PDZD2: variants seen among roughly 807,000 people sequenced by gnomAD.
The protein encoded by PDZD2 is PDZ domain containing 2.
In PDZD2, 90 loss-of-function variants were observed where a neutral mutation model predicts 220.7. The observed-to-expected ratio is 0.41, with a 90% CI of 0.34 to 0.49. PDZD2 has a LOEUF of 0.49. Among genes scored for constraint, PDZD2 ranks in the 20% least tolerant of loss-of-function variants. The pLI is 0.28. For synonymous variants in PDZD2, 1,375 were observed against 1,450.5 expected, an observed-to-expected ratio of 0.95 and a Z score of 1.18; for missense variants, 3,174 against 3,608.5, an observed-to-expected ratio of 0.88 and a Z score of 3.08.
rs143396447 is a variant in PDZD2, at chr5:31,722,023, G to A, written c.-360-76866G>A. 4.1e-4 allele frequency among the ~76,000 whole-genome samples: 63 copies of A among 152,016 alleles called. No individual in the cohort carries two copies. In the East Asian group the frequency reaches 9.5e-3, roughly 23 times the overall value. On this transcript the variant is annotated intron_variant, in intron 1 of 24. Transcript: ENST00000438447. Reference sequence around the variant, plus strand: ...ATCCATCAGCAAGCCCTGTCTGCTCGAGCTCAACATCATCTTGAATGTCTT... The same window carrying A: ...ATCCATCAGCAAGCCCTGTCTGCTCAAGCTCAACATCATCTTGAATGTCTT...
chr5:31,670,172 G>A (rs1746161333), intron 1 of PDZD2, among the ~76,000 whole-genome samples: 2 of 152,140 alleles, frequency 1.3e-5, no homozygotes, highest in African/African-American at 4.8e-5. Context: ...ATTGTTTTCA[G>A]GGTGTTTGAA....
intron 19 of PDZD2, among the ~76,000 whole-genome samples, chr5:32,086,873 G>A (rs747201224): frequency 4.9e-4 from 57 of 116,780 alleles, no homozygotes; most frequent in Non-Finnish European, 8.4e-4. Flanking sequence ...TTTTTTAGTA[G>A]AGATGGGGTT....
intron 2 of PDZD2, chr5:31,843,633 A>G (rs1757440290): frequency 6.6e-6 from 1 of 152,122 alleles, no homozygotes; most frequent in African/African-American, 2.4e-5. Context: ...CCGAGTTTCC[A>G]CCAGATCTTG....
At chr5:31,849,896 A>ACG (rs1561506806) in intron 2 of PDZD2, among the ~76,000 whole-genome samples, 21 of 31,696 alleles carry the variant, frequency 6.6e-4, no homozygotes, top group African/African-American at 2.0e-3. Context: ...ATACACATAT[A>ACG]TATATATACA....
At chr5:31,643,094 G>T (rs117245835) in intron 1 of PDZD2, among the ~76,000 whole-genome samples, 2 of 152,190 alleles carry the variant, frequency 1.3e-5, no homozygotes, top group Non-Finnish European at 2.9e-5. Context: ...AGGAGGAATC[G>T]AAAGAGGTAC....
chr5:31,688,795 G>T (rs569012405), intron 1 of PDZD2, among the ~76,000 whole-genome samples: 1 of 152,300 alleles, frequency 6.6e-6, no homozygotes, highest in East Asian at 1.9e-4. Context: ...TATTTGCTCT[G>T]CTTGAGAGCA....
chr5:31,648,491 G>C (rs1408454661), intron 1 of PDZD2, among the ~76,000 whole-genome samples: 1 of 151,910 alleles, frequency 6.6e-6, no homozygotes, highest in Non-Finnish European at 1.5e-5. Context: ...AATAAGTCCT[G>C]TTGGCCCCAC....
intron 1 of PDZD2, among the ~76,000 whole-genome samples, chr5:31,754,017 G>A (rs1270879291): frequency 6.6e-6 from 1 of 152,178 alleles, no homozygotes; most frequent in Non-Finnish European, 1.5e-5. Context: ...AGCTTCATGT[G>A]GCATAAATGC....
chr5:32,102,379 CTT>C (rs1474653978), intron 24 of PDZD2, among the ~76,000 whole-genome samples: 1 of 151,752 alleles, frequency 6.6e-6, no homozygotes, highest in African/African-American at 2.4e-5. Context: ...GGGACCTGCT[CTT>C]TTGCCAGTAA....
intron 1 of PDZD2, among the ~76,000 whole-genome samples, chr5:31,653,911 A>C (rs1745446097): frequency 6.6e-6 from 1 of 152,004 alleles, no homozygotes; most frequent in Non-Finnish European, 1.5e-5. Context: ...CAGCCTCCCG[A>C]GTAGCTGGGA....
chr5:32,012,960 T>C (rs1242686275), intron 6 of PDZD2, among the ~76,000 whole-genome samples: 1 of 152,108 alleles, frequency 6.6e-6, no homozygotes. Flanking sequence ...TGTTTTACTA[T>C]GTAAATGTTT....
intron 2 of PDZD2, among the ~76,000 whole-genome samples, chr5:31,893,561 C>T (rs1455733117): frequency 6.7e-6 from 1 of 148,180 alleles, no homozygotes; most frequent in Non-Finnish European, 1.5e-5. Context: ...CAGAGCGAGA[C>T]TCTGTCTCAA....
At chr5:32,043,328 A>T (rs891585838) in intron 7 of PDZD2, among the ~76,000 whole-genome samples, 9 of 152,240 alleles carry the variant, frequency 5.9e-5, no homozygotes, top group African/African-American at 1.7e-4. Flanking sequence ...CAACAAGGAA[A>T]CGTAGCATGG....
At chr5:32,045,588 GT>G (rs34280498) in intron 7 of PDZD2, among the ~76,000 whole-genome samples, 87 of 139,984 alleles carry the variant, frequency 6.2e-4, no homozygotes, top group Non-Finnish European at 6.7e-4. Context: ...ACGCCCAGCT[GT>G]TTTTTTTTTT....
chr5:31,891,914 C>CTTT (rs5867114), intron 2 of PDZD2, among the ~76,000 whole-genome samples: 21 of 150,522 alleles, frequency 1.4e-4, no homozygotes, highest in African/African-American at 4.4e-4. Context: ...GTCATGCCTT[C>CTTT]TTTTTTTTTG....
intron 23 of PDZD2, chr5:32,100,626 C>T (rs1257050800): frequency 1.4e-5 from 5 of 349,346 alleles, no homozygotes; most frequent in Non-Finnish European, 2.8e-5. Flanking sequence ...GCTTTGGAGT[C>T]CATTCTAACA....
chr5:31,678,261 C>T (rs544764945), intron 1 of PDZD2, among the ~76,000 whole-genome samples: 63 of 152,240 alleles, frequency 4.1e-4, no homozygotes, highest in Non-Finnish European at 5.7e-4. Flanking sequence ...GCAGTGCATC[C>T]GCCAAGGACT....
rs33934260 is a variant in PDZD2 at position 31,958,259 on chromosome 5, G to GT, written c.477-24884dup. On this transcript the variant is annotated intron_variant, in intron 2 of 24. Transcript: ENST00000438447. ...ATCTTGATATTTTTGTTTGCTTTTTGTTTTTTTTTTTTGAGACGGAGTCTC... is the reference window on the plus strand; with the variant it reads ...ATCTTGATATTTTTGTTTGCTTTTTGTTTTTTTTTTTTTGAGACGGAGTCTC... Among the ~76,000 whole-genome samples, 37 of 146,698 alleles carry GT rather than the reference G, an allele frequency of 2.5e-4. 1 individual carries two copies. Among genetic ancestry groups the GT allele is most frequent in the Admixed American group, 1.6e-3 (24 of 14,704 alleles).
rs1246485340 is a variant in PDZD2 at position 31,875,597 on chromosome 5, A to AT, written c.476+75873_476+75874insT. On this transcript the variant is annotated intron_variant, in intron 2 of 24. Transcript: ENST00000438447. Reference sequence around the variant, plus strand: ...TGAGACCCTGTTCAAAAAAAAAAAAAATATATATATATATTTTAAAAATAT... The same window carrying AT: ...TGAGACCCTGTTCAAAAAAAAAAAAATATATATATATATATTTTAAAAATAT... Among the ~76,000 whole-genome samples, 817 of 141,408 alleles carry AT rather than the reference A, an allele frequency of 5.8e-3. 3 individuals carry two copies. The highest frequency in any genetic ancestry group is 0.03 in the Middle Eastern group (8 of 270). 92.8% of individuals were successfully genotyped at this position (141,408 alleles called of 152,430 possible).
Sources: allele counts gnomAD v4.1 joint callset (sites outside exome capture counted in the v4.1 genomes callset), GRCh38; gene constraint gnomAD v4.1.1; transcripts MANE v1.5; gene names NCBI Gene and HGNC (gene_info 2026-07-23, HGNC 2026-07-21).